PITPNC1: variants seen among roughly 807,000 people sequenced by gnomAD.
PITPNC1 encodes phosphatidylinositol transfer protein cytoplasmic 1.
Under a neutral mutation model 44.7 loss-of-function variants are expected in PITPNC1, and 18 were observed. The ratio of observed to expected loss-of-function variants is 0.40; its 90% CI spans 0.28 to 0.60. PITPNC1 has a LOEUF of 0.60. Ranked by LOEUF, PITPNC1 falls within the 20% of genes least tolerant of loss-of-function variation. The pLI is 0.39. For synonymous variants in PITPNC1, 141 were observed against 149.6 expected (o/e 0.94, Z 0.42); for missense variants, 290 against 418.4 (o/e 0.69, Z 2.68).
At chr17:67,523,086 G>A (rs1256836018) in intron 1 of PITPNC1, among the ~76,000 whole-genome samples, 1 of 152,150 alleles carries the variant, frequency 6.6e-6, no homozygotes, top group East Asian at 1.9e-4. Flanking sequence ...CTGAAACGCT[G>A]TACCCTAAAC....
intron 2 of PITPNC1, among the ~76,000 whole-genome samples, chr17:67,533,993 C>T (rs2040496277): frequency 6.6e-6 from 1 of 151,940 alleles, no homozygotes; most frequent in Admixed American, 6.6e-5. Flanking sequence ...CTCCTGGGTT[C>T]AAGTGATACT....
intron 1 of PITPNC1, among the ~76,000 whole-genome samples, chr17:67,418,988 C>T (rs140783750): frequency 6.6e-6 from 1 of 152,276 alleles, no homozygotes; most frequent in East Asian, 1.9e-4. Context: ...CCTGTGAGAA[C>T]TTTGTGCTTC....
In PITPNC1 at chr17:67,435,340, C is replaced by CT. The variant is rs887234507; in HGVS notation, c.48+57138_48+57139insT. Reference sequence around the variant, plus strand: ...TGACGTTTCTGTAACCTTCACTAAACGTGACACCCTCCGGGGCCATTGTAG... The same window carrying CT: ...TGACGTTTCTGTAACCTTCACTAAACTGTGACACCCTCCGGGGCCATTGTAG... On this transcript the variant is annotated intron_variant, in intron 1 of 8. Transcript: ENST00000581322. 1.8e-4 allele frequency among the ~76,000 whole-genome samples: 27 copies of CT among 152,160 alleles called. 1 individual carries two copies. Among genetic ancestry groups the CT allele is most frequent in the African/African-American group, 6.0e-4 (25 of 41,440 alleles).
intron 8 of PITPNC1, among the ~76,000 whole-genome samples, chr17:67,686,502 C>G (rs2042818711): frequency 6.6e-6 from 1 of 152,014 alleles, no homozygotes; most frequent in Non-Finnish European, 1.5e-5. Flanking sequence ...TAGACCTGCA[C>G]TCTCTGACGC....
At chr17:67,517,147 G>C (rs146030898) in intron 1 of PITPNC1, among the ~76,000 whole-genome samples, 14 of 152,228 alleles carry the variant, frequency 9.2e-5, no homozygotes, top group Non-Finnish European at 1.5e-4. Context: ...AGCTGCCTGC[G>C]ATCGTTGTTC....
intron 1 of PITPNC1, among the ~76,000 whole-genome samples, chr17:67,451,441 A>G (rs2039174048): frequency 6.6e-6 from 1 of 152,194 alleles, no homozygotes; most frequent in Non-Finnish European, 1.5e-5. Flanking sequence ...ACATCTGTGC[A>G]GCCATCACCG....
At position 67,487,301 on chromosome 17, in the gene PITPNC1, A is replaced by T. The variant is rs535809898; in HGVS notation, c.49-45501A>T. ...GCAATTCTCTTGCCACAGCCTCCTGATTAGCTGGGATTATAGGCACTCACC... is the reference window on the plus strand; with the variant it reads ...GCAATTCTCTTGCCACAGCCTCCTGTTTAGCTGGGATTATAGGCACTCACC... On this transcript the variant is annotated intron_variant, in intron 1 of 8. Coordinates refer to ENST00000581322, the MANE Select transcript of PITPNC1 (RefSeq NM_012417.4). Among the ~76,000 whole-genome samples the T allele has an allele frequency of 7.2e-5, 11 of 151,982 alleles. No homozygotes were observed. In the South Asian group the frequency reaches 2.3e-3, roughly 32 times the overall value.
intron 4 of PITPNC1, among the ~76,000 whole-genome samples, chr17:67,570,762 T>C (rs959808701): frequency 1.3e-5 from 2 of 150,016 alleles, no homozygotes; most frequent in African/African-American, 4.9e-5. Context: ...GAAGTCTGTT[T>C]TACTCCAAAA....
At chr17:67,484,992 C>T (rs143508436) in intron 1 of PITPNC1, among the ~76,000 whole-genome samples, 139 of 152,136 alleles carry the variant, frequency 9.1e-4, no homozygotes, top group African/African-American at 3.2e-3. Context: ...GACTCTTGAT[C>T]GTTGTGCCAA....
intron 8 of PITPNC1, among the ~76,000 whole-genome samples, chr17:67,680,555 G>A (rs1056596299): frequency 4.0e-5 from 6 of 149,746 alleles, no homozygotes; most frequent in Non-Finnish European, 5.9e-5. Context: ...AGCTGAGATC[G>A]CACCATTGCA....
At chr17:67,608,339 TCC>T (rs2041640190) in intron 5 of PITPNC1, among the ~76,000 whole-genome samples, 1 of 151,758 alleles carries the variant, frequency 6.6e-6, no homozygotes, top group Non-Finnish European at 1.5e-5. Context: ...TGTGTTCAAG[TCC>T]AACCTGAGCA....
intron 5 of PITPNC1, among the ~76,000 whole-genome samples, chr17:67,617,806 T>C (rs2041779287): frequency 6.6e-6 from 1 of 152,076 alleles, no homozygotes; most frequent in Non-Finnish European, 1.5e-5. Flanking sequence ...CTGTGTCCTC[T>C]CCTCTTCACA....
chr17:67,613,482 A>G (rs1259493623), intron 5 of PITPNC1: 3 of 152,182 alleles, frequency 2.0e-5, no homozygotes, highest in Non-Finnish European at 4.4e-5. Context: ...AATAAAAAGG[A>G]AAGGTCTTAA....
chr17:67,656,437 C>G (rs2144377024), intron 6 of PITPNC1, among the ~76,000 whole-genome samples: 1 of 152,278 alleles, frequency 6.6e-6, no homozygotes. Flanking sequence ...TAGGGCCCTC[C>G]CACTTAATCC....
At chr17:67,450,638 G>A (rs982785421) in intron 1 of PITPNC1, among the ~76,000 whole-genome samples, 1 of 152,086 alleles carries the variant, frequency 6.6e-6, no homozygotes, top group Non-Finnish European at 1.5e-5. Context: ...TGTTGCCCAG[G>A]CTGGTCTCAA....
chr17:67,402,076 C>T (rs914139870), intron 1 of PITPNC1, among the ~76,000 whole-genome samples: 2 of 152,202 alleles, frequency 1.3e-5, no homozygotes, highest in Non-Finnish European at 2.9e-5. Context: ...ATATTTTAGA[C>T]TTGCAAGCCG....
chr17:67,579,624 T>TC (rs1568049836), intron 5 of PITPNC1, among the ~76,000 whole-genome samples: 15 of 126,854 alleles, frequency 1.2e-4, no homozygotes, highest in Non-Finnish European at 2.1e-4. Context: ...ATTTTTTTTT[T>TC]TTTTTTTTTT....
chr17:67,379,145 A>C, intron 1 of PITPNC1: 1 of 985,930 alleles, frequency 1.0e-6, no homozygotes, highest in South Asian at 4.7e-5. Context: ...AGGGACAGCG[A>C]GGGAGCCCAA....
intron 1 of PITPNC1, among the ~76,000 whole-genome samples, chr17:67,511,729 G>C (rs181928993): frequency 6.6e-6 from 1 of 152,044 alleles, no homozygotes; most frequent in Non-Finnish European, 1.5e-5. Context: ...AGCTGGTCTC[G>C]AACTCCTGAC....
Sources: allele counts gnomAD v4.1 joint callset (sites outside exome capture counted in the v4.1 genomes callset), GRCh38; gene constraint gnomAD v4.1.1; transcripts MANE v1.5; gene names NCBI Gene and HGNC (gene_info 2026-07-23, HGNC 2026-07-21).